NEK6: variants seen among roughly 807,000 people sequenced by gnomAD.
NEK6 encodes serine/threonine-protein kinase Nek6.
Under a neutral mutation model 43.5 loss-of-function variants are expected in NEK6, and 27 were observed. The ratio of observed to expected loss-of-function variants is 0.62; its 90% CI spans 0.46 to 0.86. The LOEUF (loss-of-function observed/expected upper bound fraction) is 0.86, where lower values mean the gene tolerates loss of function less well. Ranked by LOEUF, NEK6 falls within the 40% of genes least tolerant of loss-of-function variation. The probability of loss-of-function intolerance (pLI) is 0.00; values close to 1 mark genes in which losing one functional copy is unlikely to be tolerated. For synonymous variants in NEK6, 167 were observed against 164.1 expected (o/e 1.02, Z -0.14); for missense variants, 318 against 414.4 (o/e 0.77, Z 2.02).
intron 1 of NEK6, among the ~76,000 whole-genome samples, chr9:124,289,378 A>G (rs1832310639): frequency 1.3e-5 from 2 of 152,068 alleles, no homozygotes; most frequent in East Asian, 3.9e-4. Flanking sequence ...TCATCTGTCA[A>G]ATGGATACAC....
chr9:124,319,805 A>G (rs1436797920), intron 4 of NEK6, among the ~76,000 whole-genome samples: 6 of 152,098 alleles, frequency 3.9e-5, no homozygotes, highest in South Asian at 2.1e-4. Flanking sequence ...CTATGTATCT[A>G]TTTTTGTACC....
chr9:124,314,081 A>G, intron 4 of NEK6, 96 bp downstream of exon 4: 3 of 1,051,532 alleles, frequency 2.9e-6, no homozygotes, highest in Non-Finnish European at 4.3e-6. Flanking sequence ...CTTGGGTGCC[A>G]GGAATCCGCA....
chr9:124,306,038 T>C (rs1232437896), intron 2 of NEK6, among the ~76,000 whole-genome samples: 2 of 152,130 alleles, frequency 1.3e-5, no homozygotes, highest in Admixed American at 6.5e-5. Context: ...TGGCTCGTGC[T>C]CAAGGCTCAG....
chr9:124,312,192 A>G (rs1833563375), intron 2 of NEK6, among the ~76,000 whole-genome samples: 1 of 152,248 alleles, frequency 6.6e-6, no homozygotes, highest in South Asian at 2.1e-4. Flanking sequence ...CCGTGGTCCC[A>G]CGGAGCTAGC....
intron 1 of NEK6, among the ~76,000 whole-genome samples, chr9:124,282,016 C>A (rs560009928): frequency 1.3e-5 from 2 of 152,352 alleles, no homozygotes; most frequent in East Asian, 3.9e-4. Flanking sequence ...GAGTCATGGC[C>A]ACACGTGAGC....
At chr9:124,285,658 T>C (rs1832124246) in intron 1 of NEK6, among the ~76,000 whole-genome samples, 1 of 152,108 alleles carries the variant, frequency 6.6e-6, no homozygotes. Flanking sequence ...CTGGCTCCAC[T>C]GTGTCCAAGC....
chr9:124,339,716 G>A (rs1829494342), intron 8 of NEK6, 51 bp downstream of exon 8: 1 of 1,379,374 alleles, frequency 7.2e-7, no homozygotes, highest in Non-Finnish European at 1.0e-6. Flanking sequence ...TGCATGGGGG[G>A]TGCCCAGTTA....
chr9:124,329,577 C>T (rs892106473), intron 7 of NEK6, among the ~76,000 whole-genome samples: 12 of 152,230 alleles, frequency 7.9e-5, no homozygotes, highest in Non-Finnish European at 1.6e-4. Context: ...GGAAGGAGCC[C>T]TCCTGGGGCC....
chr9:124,275,340 C>T lies in NEK6; in HGVS notation c.-30+17255C>T, dbSNP rs1203454523. Among the ~76,000 whole-genome samples the T allele has an allele frequency of 2.0e-5, 3 of 152,214 alleles. No individual in the cohort carries two copies. The highest frequency in any genetic ancestry group is 6.5e-5 in the Admixed American group (1 of 15,280). On this transcript the variant is annotated intron_variant, in intron 1 of 9. Coordinates refer to ENST00000320246, the MANE Select transcript of NEK6 (RefSeq NM_014397.6). This position sits in a 1 kb window ranked among gnomAD's most constrained non-coding sequence, Gnocchi z 4.4. ...GTCATGGTTTCACCTGCCTGAGCCTCGGTTTCCTCATCTTCACTCCCAGCA... is the reference window on the plus strand; with the variant it reads ...GTCATGGTTTCACCTGCCTGAGCCTTGGTTTCCTCATCTTCACTCCCAGCA...
chr9:124,330,626 C>A lies in NEK6; in HGVS notation c.622+3181C>A, dbSNP rs7874883. Among the ~76,000 whole-genome samples, 1,368 of 152,376 alleles carry A rather than the reference C, an allele frequency of 9.0e-3. 27 individuals are homozygous for A. Among genetic ancestry groups the A allele is most frequent in the African/African-American group, 0.031 (1,269 of 41,592 alleles). ...GAGGTCACGGCCCTGCTGGGTCTCC[C>A]AGGGCTTAGCCTGGCGCTGAGGCGC... On this transcript the variant is annotated intron_variant, in intron 7 of 9. Coordinates refer to ENST00000320246, the MANE Select transcript of NEK6 (RefSeq NM_014397.6).
intron 7 of NEK6, among the ~76,000 whole-genome samples, chr9:124,328,038 C>T (rs1452864758): frequency 1.3e-5 from 2 of 152,076 alleles, no homozygotes; most frequent in African/African-American, 2.4e-5. Context: ...GCATGAAAAG[C>T]GGGCAGGGCC....
Position 124,275,966 on chromosome 9 carries a change from G to A in NEK6, c.-30+17881G>A, listed in dbSNP as rs1419667176. 6.6e-6 allele frequency among the ~76,000 whole-genome samples: 1 copy of A among 152,222 alleles called. No individual in the cohort carries two copies. The highest frequency in any genetic ancestry group is 1.5e-5 in the Non-Finnish European group (1 of 68,034). ...TGCTGCGGTGATCCTTTAAACGACA[G>A]TTAGGTTTGATCCTGCGGGAGGTGG... On this transcript the variant is annotated intron_variant, in intron 1 of 9. Coordinates refer to ENST00000320246, the MANE Select transcript of NEK6 (RefSeq NM_014397.6). The surrounding 1 kb of genome is among the most constrained non-coding windows in gnomAD (Gnocchi z 4.4).
At chr9:124,294,553 T>A (rs1832589317) in intron 1 of NEK6, among the ~76,000 whole-genome samples, 1 of 149,796 alleles carries the variant, frequency 6.7e-6, no homozygotes, top group Non-Finnish European at 1.5e-5. Flanking sequence ...GGCAGACAAG[T>A]GGGACTTTGC....
At chr9:124,277,485 C>T (rs1233329757) in intron 1 of NEK6, among the ~76,000 whole-genome samples, 7 of 152,144 alleles carry the variant, frequency 4.6e-5, no homozygotes, top group Admixed American at 4.6e-4. Flanking sequence ...TCTCCCATCC[C>T]ACCACCTTCT....
rs74394814 is a variant in NEK6, at chr9:124,283,427, C to T, written c.-29-18509C>T. Among the ~76,000 whole-genome samples the T allele has an allele frequency of 1.8e-3, 269 of 152,300 alleles. 5 individuals carry two copies. In the East Asian group the frequency reaches 0.047, roughly 26 times the overall value. On this transcript the variant is annotated intron_variant, in intron 1 of 9. Transcript: ENST00000320246. ...GGCAGGGGTGGGGAAGTTGAGTGCA[C>T]GGGTGTAGCACTGGACGGAGGACAG...
At chr9:124,312,770 C>G in intron 3 of NEK6, 121 bp downstream of exon 3, 1 of 1,000,698 alleles carries the variant, frequency 1.0e-6, no homozygotes, top group Admixed American at 2.8e-5. Context: ...CAGCACTCAA[C>G]TCACTGGGTT....
chr9:124,259,988 G>T (rs944338), intron 1 of NEK6, among the ~76,000 whole-genome samples: 37,422 of 151,570 alleles, frequency 0.25, 5,493 homozygotes, highest in South Asian at 0.35. Flanking sequence ...CCCTTTTGCG[G>T]AGCAGAAGGG....
intron 1 of NEK6, among the ~76,000 whole-genome samples, chr9:124,267,910 C>G (rs1370088301): frequency 6.6e-6 from 1 of 152,226 alleles, no homozygotes; most frequent in Non-Finnish European, 1.5e-5. Flanking sequence ...ACATTGATCA[C>G]CTGTAGGTGA....
At chr9:124,327,625 A>G (rs2130956415) in intron 7 of NEK6, among the ~76,000 whole-genome samples, 180 bp downstream of exon 7, 1 of 152,338 alleles carries the variant, frequency 6.6e-6, no homozygotes, top group Non-Finnish European at 1.5e-5. Flanking sequence ...CTGTGGCCAG[A>G]GGAGCCCAGC....
Sources: gnomAD v4.1 joint callset for allele counts (sites outside exome capture counted in the v4.1 genomes callset) on GRCh38, gnomAD v4.1.1 for gene constraint, Gnocchi (gnomAD v3.1) non-coding constraint, MANE v1.5 for transcripts, NCBI Gene and HGNC (gene_info 2026-07-23, HGNC 2026-07-21) for gene names.